CCSER1: variants seen among roughly 807,000 people sequenced by gnomAD.
CCSER1 encodes serine-rich coiled-coil domain-containing protein 1.
Under a neutral mutation model 82.0 loss-of-function variants are expected in CCSER1, and 41 were observed. That is an observed-to-expected ratio of 0.50 (90% confidence interval 0.39 to 0.65). CCSER1 has a LOEUF of 0.65. CCSER1 is among the 30% of genes least tolerant of loss of function. The pLI, the probability that CCSER1 is intolerant of heterozygous loss-of-function variation, is 0.00. For synonymous variants in CCSER1, 414 were observed against 383.9 expected (o/e 1.08, Z -0.92); for missense variants, 1,119 against 1,064.2 (o/e 1.05, Z -0.72).
At chr4:90,423,947 T>TGGGCACA (rs928522052) in intron 4 of CCSER1, among the ~76,000 whole-genome samples, 9 of 151,598 alleles carry the variant, frequency 5.9e-5, no homozygotes, top group Non-Finnish European at 1.0e-4. Context: ...AAAAATTAGC[T>TGGGCACA]GGGCACAGTG....
At chr4:90,257,556 GATAGATAC>G (rs1553973699) in intron 1 of CCSER1, among the ~76,000 whole-genome samples, 1,618 of 109,924 alleles carry the variant, frequency 0.015, 20 homozygotes, top group African/African-American at 0.039. Context: ...TAGATAGATA[GATAGATAC>G]ATAGATACAT....
chr4:90,177,669 T>C (rs936071424), intron 1 of CCSER1, among the ~76,000 whole-genome samples: 2 of 152,144 alleles, frequency 1.3e-5, no homozygotes, highest in East Asian at 1.9e-4. Flanking sequence ...AAATTCATCA[T>C]TGCATTTGTA....
intron 1 of CCSER1, among the ~76,000 whole-genome samples, chr4:90,172,055 T>A (rs1034500446): frequency 1.3e-5 from 2 of 151,814 alleles, no homozygotes; most frequent in Non-Finnish European, 2.9e-5. Flanking sequence ...GTGGGAAGTG[T>A]AAGAGTTGGA....
At chr4:90,653,403 A>AT (rs1729139564) in intron 6 of CCSER1, among the ~76,000 whole-genome samples, 2 of 151,950 alleles carry the variant, frequency 1.3e-5, no homozygotes, top group African/African-American at 2.4e-5. Context: ...TGCCAATGTT[A>AT]TTTTTTCTTT....
intron 10 of CCSER1, among the ~76,000 whole-genome samples, chr4:91,321,254 TC>T (rs1475949831): frequency 6.6e-6 from 1 of 152,114 alleles, no homozygotes; most frequent in Non-Finnish European, 1.5e-5. Flanking sequence ...GTAATTTTAT[TC>T]TGATATCTGT....
chr4:90,439,422 A>C (rs1445267489), intron 4 of CCSER1, among the ~76,000 whole-genome samples: 1 of 152,226 alleles, frequency 6.6e-6, no homozygotes, highest in East Asian at 1.9e-4. Context: ...ATATATCTTA[A>C]AATACTATTT....
At chr4:90,300,882 A>C (rs1345827438) in intron 1 of CCSER1, among the ~76,000 whole-genome samples, 2 of 152,064 alleles carry the variant, frequency 1.3e-5, no homozygotes, top group Non-Finnish European at 2.9e-5. Context: ...CTGGAGTGCA[A>C]TGGTGCTATT....
At chr4:91,079,646 C>T (rs894515649) in intron 9 of CCSER1, among the ~76,000 whole-genome samples, 1 of 152,108 alleles carries the variant, frequency 6.6e-6, no homozygotes, top group Non-Finnish European at 1.5e-5. Flanking sequence ...CAGTCAGGAC[C>T]CATCAGTGTG....
At chr4:90,665,382 C>T (rs909942105) in intron 6 of CCSER1, among the ~76,000 whole-genome samples, 11 of 150,304 alleles carry the variant, frequency 7.3e-5, no homozygotes, top group South Asian at 2.1e-4. Context: ...AGTGCAGTGG[C>T]GTGATCTCGG....
At chr4:90,783,768 G>A (rs1406996303) in intron 7 of CCSER1, among the ~76,000 whole-genome samples, 3 of 152,152 alleles carry the variant, frequency 2.0e-5, no homozygotes, top group African/African-American at 7.2e-5. Context: ...AAATAAAACT[G>A]TGATGGTTAA....
intron 1 of CCSER1, among the ~76,000 whole-genome samples, chr4:90,216,723 G>GTTCTT (rs1741107422): frequency 6.6e-6 from 1 of 152,028 alleles, no homozygotes; most frequent in African/African-American, 2.4e-5. Flanking sequence ...TTCCAGCTTT[G>GTTCTT]TTCTTTTTGT....
intron 9 of CCSER1, among the ~76,000 whole-genome samples, chr4:90,965,796 A>G (rs556108634): frequency 4.5e-4 from 68 of 152,250 alleles, no homozygotes; most frequent in Non-Finnish European, 4.0e-4. Flanking sequence ...GACTCATAAG[A>G]GAGGGAAAAA....
At chr4:91,276,903 G>T (rs1164240120) in intron 10 of CCSER1, among the ~76,000 whole-genome samples, 2 of 152,000 alleles carry the variant, frequency 1.3e-5, no homozygotes, top group African/African-American at 4.8e-5. Flanking sequence ...TACAACTATT[G>T]AGATGATCAT....
At chr4:90,820,204 A>G (rs149135354) in intron 8 of CCSER1, among the ~76,000 whole-genome samples, 1,845 of 152,296 alleles carry the variant, frequency 0.012, 12 homozygotes, top group Non-Finnish European at 0.018. Flanking sequence ...TTAATTGCCT[A>G]TGTGACCAGA....
At chr4:90,290,495 G>C (rs542196227) in intron 1 of CCSER1, among the ~76,000 whole-genome samples, 1 of 151,882 alleles carries the variant, frequency 6.6e-6, no homozygotes, top group East Asian at 1.9e-4. Context: ...TAGGATGTCT[G>C]TTTCTTTCTT....
chr4:90,883,260 C>A (rs1721613216), intron 8 of CCSER1, among the ~76,000 whole-genome samples: 1 of 151,982 alleles, frequency 6.6e-6, no homozygotes, highest in African/African-American at 2.4e-5. Context: ...TTTCCATAGA[C>A]CTAGTAGAGA....
intron 5 of CCSER1, among the ~76,000 whole-genome samples, chr4:90,524,588 C>T (rs992004878): frequency 6.6e-6 from 1 of 152,162 alleles, no homozygotes; most frequent in African/African-American, 2.4e-5. Flanking sequence ...CCTGCCTCAA[C>T]CTCCCGAGTA....
intron 10 of CCSER1, among the ~76,000 whole-genome samples, chr4:91,354,884 T>G (rs1043097678): frequency 2.6e-5 from 4 of 152,252 alleles, no homozygotes; most frequent in Non-Finnish European, 4.4e-5. Context: ...CTGGCACATT[T>G]AGTTTATTAC....
rs1440966543 is a variant in CCSER1 at position 91,604,216 on chromosome 4, T to C, written c.*5159T>C. 1.3e-5 allele frequency: 2 copies of C among 152,138 alleles called. No individual in the cohort carries two copies. The highest frequency in any genetic ancestry group is 2.9e-5 in the Non-Finnish European group (2 of 67,994). 9.4% of individuals were successfully genotyped at this position (152,138 alleles called of 1,614,324 possible). A position where few individuals can be genotyped will look rare whatever the true frequency, so the allele number is the denominator to read the frequency against. ...TAATAACCCTTGAACTTTCCATTTATATCATGCTTATCTCCAGAATAGGAT... is the reference window on the plus strand; with the variant it reads ...TAATAACCCTTGAACTTTCCATTTACATCATGCTTATCTCCAGAATAGGAT... On this transcript the variant is annotated 3_prime_UTR_variant, in exon 11 of 11. Transcript: ENST00000509176.
Sources: allele counts gnomAD v4.1 joint callset (sites outside exome capture counted in the v4.1 genomes callset), GRCh38; gene constraint gnomAD v4.1.1; transcripts MANE v1.5; gene names NCBI Gene and HGNC (gene_info 2026-07-23, HGNC 2026-07-21).